Variants in DPY30 observed in about 807,000 individuals in gnomAD.
DPY30 encodes the protein protein dpy-30 homolog.
In DPY30, 6 loss-of-function variants were observed where a neutral mutation model predicts 16.2. That is an observed-to-expected ratio of 0.37 (90% confidence interval 0.20 to 0.73). The LOEUF (loss-of-function observed/expected upper bound fraction) is 0.73, where lower values mean the gene tolerates loss of function less well. Among genes scored for constraint, DPY30 ranks in the 30% least tolerant of loss-of-function variants. The probability of loss-of-function intolerance (pLI) is 0.51; values close to 1 mark genes in which losing one functional copy is unlikely to be tolerated. For missense variants in DPY30, 73 were observed against 113.1 expected, an observed-to-expected ratio of 0.65 and a Z score of 1.61; for synonymous variants, 39 against 38.8, an observed-to-expected ratio of 1.00 and a Z score of -0.02.
downstream of DPY30, among the ~76,000 whole-genome samples, chr2:32,019,562 C>T (rs966611388): frequency 6.6e-6 from 1 of 151,168 alleles, no homozygotes; most frequent in Non-Finnish European, 1.5e-5. Context: ...CGCCTGTGAG[C>T]CACCATCCCA....
chr2:32,022,174 C>T (rs1467571704), downstream of DPY30, among the ~76,000 whole-genome samples: 1 of 149,956 alleles, frequency 6.7e-6, no homozygotes, highest in African/African-American at 2.5e-5. Flanking sequence ...CACGCCATTG[C>T]ACTCCAGCCT....
downstream of DPY30, among the ~76,000 whole-genome samples, chr2:32,021,914 A>G (rs1235696763): frequency 6.6e-6 from 1 of 152,066 alleles, no homozygotes; most frequent in African/African-American, 2.4e-5. Context: ...TGATCCCTTA[A>G]TAAGATTACC....
intron 3 of DPY30, among the ~76,000 whole-genome samples, chr2:32,032,567 A>G (rs1443192292): frequency 6.6e-6 from 1 of 152,180 alleles, no homozygotes; most frequent in Non-Finnish European, 1.5e-5. Context: ...TATACAATAA[A>G]AACTACTCGG....
downstream of DPY30, among the ~76,000 whole-genome samples, chr2:32,023,258 G>A (rs191967796): frequency 5.3e-5 from 8 of 152,318 alleles, no homozygotes; most frequent in East Asian, 3.9e-4. Flanking sequence ...GCTCTCTTAA[G>A]GCAGTTTCTC....
chr2:32,033,349 TA>T (rs1441744428), intron 3 of DPY30, among the ~76,000 whole-genome samples: 35 of 151,122 alleles, frequency 2.3e-4, no homozygotes, highest in African/African-American at 7.6e-4. Context: ...TACATGACAT[TA>T]CAATGCCTAC....
At chr2:32,037,085 A>G (rs1444231514) in intron 3 of DPY30, among the ~76,000 whole-genome samples, 1 of 152,192 alleles carries the variant, frequency 6.6e-6, no homozygotes, top group Non-Finnish European at 1.5e-5. Context: ...CAAGGGCAAA[A>G]TAATGACTTT....
intron 3 of DPY30, among the ~76,000 whole-genome samples, chr2:32,037,982 T>G (rs1282348922): frequency 1.3e-5 from 2 of 152,072 alleles, no homozygotes; most frequent in Non-Finnish European, 2.9e-5. Context: ...ACACACACTC[T>G]TAAGTAATTT....
intron 3 of DPY30, among the ~76,000 whole-genome samples, chr2:32,031,765 C>T (rs963700045): frequency 9.2e-5 from 14 of 151,942 alleles, no homozygotes; most frequent in East Asian, 1.9e-4. Flanking sequence ...TAGTAGTGCG[C>T]GCCTGTAATC....
At chr2:32,030,731 G>A (rs1203165516) in intron 3 of DPY30, among the ~76,000 whole-genome samples, 2 of 151,944 alleles carry the variant, frequency 1.3e-5, no homozygotes, top group East Asian at 1.9e-4. Flanking sequence ...CCCAGGAGAC[G>A]GAGGTTGCAG....
downstream of DPY30, chr2:32,023,872 T>C (rs1675239714): frequency 7.6e-7 from 1 of 1,323,740 alleles, no homozygotes; most frequent in South Asian, 1.3e-5. Flanking sequence ...TGTAAAATAT[T>C]TGTCATACAG....
chr2:32,030,033 C>T (rs1471644172), intron 3 of DPY30, among the ~76,000 whole-genome samples: 1 of 146,442 alleles, frequency 6.8e-6, no homozygotes, highest in Admixed American at 6.9e-5. Flanking sequence ...TCCTTTTTCT[C>T]TTTTTCATGT....
rs569215052 is a variant in DPY30, at chr2:32,018,884, G to GC, written n.377+4537_377+4538insG. Among the ~76,000 whole-genome samples the GC allele has an allele frequency of 9.7e-3, 1,475 of 152,138 alleles. 26 individuals are homozygous for GC. The highest frequency in any genetic ancestry group is 0.048 in the South Asian group (230 of 4,820). On this transcript the variant is annotated intron_variant and non_coding_transcript_variant, in intron 5 of 5. Coordinates refer to the DPY30 transcript ENST00000414013. ...AAATACAAAAAAAGCAAATTAGCCA[G>GC]ACATGGTGGCAAGCACCTGTAGTCC... is the stretch of plus-strand genomic sequence containing the variant.
intron 5 of DPY30, among the ~76,000 whole-genome samples, chr2:32,013,990 A>G (rs1385150986): frequency 6.6e-6 from 1 of 151,784 alleles, no homozygotes; most frequent in African/African-American, 2.4e-5. Flanking sequence ...CCTAGGTGAC[A>G]AGAGCAAGAC....
chr2:32,017,305 C>T (rs539266931), intron 5 of DPY30, among the ~76,000 whole-genome samples: 1 of 152,290 alleles, frequency 6.6e-6, no homozygotes, highest in South Asian at 2.1e-4. Context: ...ACTCCTAAAG[C>T]TACTGGGCTC....
intron 5 of DPY30, among the ~76,000 whole-genome samples, chr2:32,015,909 T>C (rs1254206600): frequency 2.0e-5 from 3 of 152,038 alleles, no homozygotes; most frequent in African/African-American, 7.2e-5. Context: ...TGATTTTGTT[T>C]TGAGACAGAG....
At chr2:32,017,453 C>A (rs905163060) in intron 5 of DPY30, among the ~76,000 whole-genome samples, 3 of 151,666 alleles carry the variant, frequency 2.0e-5, no homozygotes, top group Non-Finnish European at 2.9e-5. Flanking sequence ...CCAGTCTTTA[C>A]TAAAAATACA....
At chr2:32,020,738 A>G (rs1470843491), downstream of DPY30, among the ~76,000 whole-genome samples, 1 of 152,120 alleles carries the variant, frequency 6.6e-6, no homozygotes, top group East Asian at 1.9e-4. Flanking sequence ...ACTTAAATCC[A>G]CCTCACAGGT....
At chr2:32,025,533 C>T (rs529623785) in intron 4 of DPY30, among the ~76,000 whole-genome samples, 13 of 151,710 alleles carry the variant, frequency 8.6e-5, no homozygotes, top group Non-Finnish European at 8.8e-5. Context: ...AGGGCCAAGG[C>T]GGGCAGATCA....
At chr2:32,025,801 GA>G (rs764218451) in intron 4 of DPY30, among the ~76,000 whole-genome samples, 43 of 141,410 alleles carry the variant, frequency 3.0e-4, no homozygotes, top group South Asian at 6.9e-4. Context: ...GGGCCGGGGG[GA>G]AAAAAAAAAC....
Sources: gnomAD v4.1 joint callset for allele counts (sites outside exome capture counted in the v4.1 genomes callset) on GRCh38, gnomAD v4.1.1 for gene constraint, MANE v1.5 for transcripts, NCBI Gene and HGNC (gene_info 2026-07-23, HGNC 2026-07-21) for gene names.